Variants in PRCC observed in about 807,000 individuals in gnomAD.
The protein encoded by PRCC is proline rich mitotic checkpoint control factor.
In PRCC, 10 loss-of-function variants were observed where a neutral mutation model predicts 44.0. The ratio of observed to expected loss-of-function variants is 0.23; its 90% CI spans 0.14 to 0.39. PRCC has a LOEUF of 0.39. PRCC is among the 10% of genes least tolerant of loss of function. The pLI is 1.00. For synonymous variants in PRCC, 278 were observed against 259.5 expected, an observed-to-expected ratio of 1.07 and a Z score of -0.69; for missense variants, 573 against 624.7, an observed-to-expected ratio of 0.92 and a Z score of 0.88.
chr1:156,769,649 C>G (rs1397324410), intron 1 of PRCC, among the ~76,000 whole-genome samples: 2 of 151,930 alleles, frequency 1.3e-5, no homozygotes, highest in Non-Finnish European at 2.9e-5. Flanking sequence ...GCCCAGGCTG[C>G]AGTGCAGTGG....
Position 156,791,746 on chromosome 1 carries a change from C to T in PRCC, c.1133C>T (p.Pro378Leu), listed in dbSNP as rs780076114. The change falls in exon 4 of 7, where the codon CCC becomes CTC. Residue 378 changes from proline (P) to leucine (L), a missense_variant. Physicochemically the swap from Pro to Leu is moderately conservative, Grantham distance 98. Around this residue, in one of 4 missense-constraint regions of PRCC, gnomAD observed 141 missense variants for 130.2 expected, o/e 1.08. Coordinates refer to ENST00000271526, the MANE Select transcript of PRCC (RefSeq NM_005973.5). The part of the protein sequence containing the change: ...YYPAQDPALV[P>L]PQEIAPDASF... ...CCTGCACAGGACCCGGCCCTGGTCC[C>T]CCCCCAGGAAATTGCCCCAGATGCC... The T allele has an allele frequency of 2.5e-5, 41 of 1,613,926 alleles. No homozygotes were observed. Among genetic ancestry groups the T allele is most frequent in the Non-Finnish European group, 3.3e-5 (39 of 1,179,974 alleles).
Position 156,767,835 on chromosome 1 carries a change from G to C in PRCC, c.64G>C (p.Glu22Gln). ...GCCGGATGAGGCTGAGCCCGAGCCG[G>C]AGGAAGAGGAGGCGGTGGCTCCTAC... The part of the protein sequence containing the change: ...SEPDEAEPEP[E>Q]EEEAVAPTSG... Residue 22 changes from glutamate (E) to glutamine (Q), a missense_variant, in exon 1 of 7, where the codon GAG becomes CAG. By Grantham distance (29) the Glu-to-Gln change is conservative (BLOSUM62 2). Coordinates refer to ENST00000271526, the MANE Select transcript of PRCC (RefSeq NM_005973.5). 1 of 1,610,530 alleles carries C rather than the reference G, an allele frequency of 6.2e-7. No individual in the cohort carries two copies. The highest frequency in any genetic ancestry group is 1.1e-5 in the South Asian group (1 of 90,306).
Position 156,800,484 on chromosome 1 carries a change from G to A in PRCC, c.*24G>A. On this transcript the variant is annotated 3_prime_UTR_variant, in exon 7 of 7. Transcript: ENST00000271526. The stretch of plus-strand genomic sequence containing the variant: ...AGGGCTCTGGAACTGATTGCTCCCA[G>A]GATCTCCTGCCAGCCCAGCTGGCCT... 6.2e-7 allele frequency: 1 copy of A among 1,613,210 alleles called. No homozygotes were observed. Among genetic ancestry groups the A allele is most frequent in the South Asian group, 1.1e-5 (1 of 91,072 alleles).
chr1:156,770,666 C>T (rs193047654), intron 1 of PRCC, among the ~76,000 whole-genome samples: 4 of 152,360 alleles, frequency 2.6e-5, no homozygotes, highest in African/African-American at 7.2e-5. Flanking sequence ...TGAGCCACCA[C>T]GCCAGCCAAC....
At chr1:156,783,210 G>A (rs771754137) in intron 2 of PRCC, among the ~76,000 whole-genome samples, 2 of 152,106 alleles carry the variant, frequency 1.3e-5, no homozygotes, top group African/African-American at 2.4e-5. Flanking sequence ...TGGCCAGTCT[G>A]ACTGTTGAGT....
intron 3 of PRCC, among the ~76,000 whole-genome samples, chr1:156,788,532 G>T (rs1405177485): frequency 6.6e-6 from 1 of 152,168 alleles, no homozygotes; most frequent in East Asian, 1.9e-4. Flanking sequence ...GGATTGCTGG[G>T]TTGAATGGTA....
At position 156,797,309 on chromosome 1, in the gene PRCC, C is replaced by T; in HGVS notation, c.1357C>T (p.Arg453Trp). Residue 453 changes from arginine (R) to tryptophan (W), a missense_variant, in exon 6 of 7, where the codon CGG becomes TGG. This residue lies in a region of PRCC where 69 missense variants were observed against 139.3 expected (regional missense o/e 0.50). Coordinates refer to ENST00000271526, the MANE Select transcript of PRCC (RefSeq NM_005973.5). ...KGEQPTGQQR[R>W]KHQITYLIHQ... ...TGAGCAGCCAACAGGCCAGCAGCGG[C>T]GGAAACACCAGATCACATATCTTAT... The T allele has an allele frequency of 1.2e-6, 2 of 1,614,096 alleles. No homozygotes were observed. Among genetic ancestry groups the T allele is most frequent in the Non-Finnish European group, 1.7e-6 (2 of 1,180,012 alleles).
chr1:156,768,176 T>A lies in PRCC; in HGVS notation c.405T>A (p.Leu135=). 1 of 1,552,448 alleles carries A rather than the reference T, an allele frequency of 6.4e-7. No homozygotes were observed. The highest frequency in any genetic ancestry group is 8.7e-7 in the Non-Finnish European group (1 of 1,148,662). The part of the protein sequence containing the change: ...PIGGAGPPLG[L]PKPKKRKEPV... ...GCGGTGCCGGTCCCCCGCTGGGGCTTCCCAAGCCAAAGAAGAGGAAAGAGC... is the reference window on the plus strand; with the variant it reads ...GCGGTGCCGGTCCCCCGCTGGGGCTACCCAAGCCAAAGAAGAGGAAAGAGC... The change falls in exon 1 of 7, where the codon CTT becomes CTA. Residue 135 remains leucine, a synonymous_variant. Transcript: ENST00000271526.
At chr1:156,796,158 T>C (rs1384957205) in intron 5 of PRCC, 1 of 152,232 alleles carries the variant, frequency 6.6e-6, no homozygotes. Context: ...CACATAGTAA[T>C]AGCTACTGTT....
chr1:156,791,208 C>G (rs1264373042), intron 3 of PRCC: 2 of 1,271,748 alleles, frequency 1.6e-6, no homozygotes, highest in Admixed American at 4.1e-5. Context: ...AATCAGAGAT[C>G]TATAACCTCC....
chr1:156,784,665 T>C (rs1652171446), intron 2 of PRCC, among the ~76,000 whole-genome samples: 1 of 152,208 alleles, frequency 6.6e-6, no homozygotes, highest in South Asian at 2.1e-4. Flanking sequence ...TGAGCAGTTC[T>C]GTGTGGCTTG....
intron 3 of PRCC, among the ~76,000 whole-genome samples, chr1:156,789,117 C>T (rs146396885): frequency 3.1e-4 from 47 of 152,068 alleles, no homozygotes; most frequent in African/African-American, 1.1e-3. Flanking sequence ...TTATATGTGC[C>T]CGCCACCATG....
In PRCC at chr1:156,779,021, A is replaced by G. The variant is rs545913001; in HGVS notation, c.469-3261A>G. Among the ~76,000 whole-genome samples, 450 of 146,150 alleles carry G rather than the reference A, an allele frequency of 3.1e-3. 2 individuals carry two copies. Among genetic ancestry groups the G allele is most frequent in the Non-Finnish European group, 5.4e-3 (364 of 66,846 alleles). ...CATCATATTGGTCAGGCTGGTCTCA[A>G]ACTCCTGACCTCAGGTGTTCCCCCG... On this transcript the variant is annotated intron_variant, in intron 1 of 6. Coordinates refer to ENST00000271526, the MANE Select transcript of PRCC (RefSeq NM_005973.5).
In PRCC at chr1:156,767,888, C is replaced by T; in HGVS notation, c.117C>T (p.Phe39=). The T allele has an allele frequency of 6.2e-7, 1 of 1,604,496 alleles. No individual in the cohort carries two copies. Among genetic ancestry groups the T allele is most frequent in the Non-Finnish European group, 8.5e-7 (1 of 1,176,400 alleles). ...PTSGPALGGL[F]ASLPAPKGPA... is the part of the protein sequence containing the mutation. The stretch of plus-strand genomic sequence containing the variant: ...CTGGGCCCGCTTTAGGGGGCTTGTT[C>T]GCTTCTCTCCCTGCGCCCAAGGGTC... Residue 39 remains phenylalanine, a synonymous_variant, in exon 1 of 7, where the codon TTC becomes TTT. Coordinates refer to ENST00000271526, the MANE Select transcript of PRCC (RefSeq NM_005973.5).
At chr1:156,777,974 GT>G (rs1651885397) in intron 1 of PRCC, among the ~76,000 whole-genome samples, 1 of 152,192 alleles carries the variant, frequency 6.6e-6, no homozygotes, top group South Asian at 2.1e-4. Context: ...ACAAGATGAT[GT>G]TAAGATTTAT....
Position 156,768,040 on chromosome 1 carries a change from T to G in PRCC, c.269T>G (p.Phe90Cys). The change falls in exon 1 of 7, where the codon TTC becomes TGC. Residue 90 changes from phenylalanine (F) to cysteine (C), a missense_variant. Around this residue, in one of 4 missense-constraint regions of PRCC, gnomAD observed 245 missense variants for 188.5 expected, o/e 1.30. Coordinates refer to ENST00000271526, the MANE Select transcript of PRCC (RefSeq NM_005973.5). ...CCCTTGCCCTTCGGCCTGGGAGGCTTCCCCCCACCTCCAGGCGTGAGCCCG... is the reference window on the plus strand; with the variant it reads ...CCCTTGCCCTTCGGCCTGGGAGGCTGCCCCCCACCTCCAGGCGTGAGCCCG... ...PPPLPFGLGG[F>C]PPPPGVSPAE... 1 of 1,577,280 alleles carries G rather than the reference T, an allele frequency of 6.3e-7. No homozygotes were observed. The highest frequency in any genetic ancestry group is 8.6e-7 in the Non-Finnish European group (1 of 1,160,406).
At chr1:156,785,481 C>G (rs1311923528) in intron 2 of PRCC, among the ~76,000 whole-genome samples, 1 of 151,602 alleles carries the variant, frequency 6.6e-6, no homozygotes, top group East Asian at 1.9e-4. Flanking sequence ...TCACTGCACT[C>G]CATCCTGGGT....
intron 2 of PRCC, among the ~76,000 whole-genome samples, chr1:156,784,858 T>C (rs1429205325): frequency 6.6e-6 from 1 of 152,188 alleles, no homozygotes; most frequent in Non-Finnish European, 1.5e-5. Flanking sequence ...AGAGATTCTT[T>C]TGGGTAATAG....
intron 1 of PRCC, among the ~76,000 whole-genome samples, chr1:156,777,519 C>A (rs1012269647): frequency 6.7e-6 from 1 of 150,236 alleles, no homozygotes; most frequent in Admixed American, 6.6e-5. Context: ...ATTTCCCTTA[C>A]GGGTTAAAAA....
Sources: allele counts gnomAD v4.1 joint callset (sites outside exome capture counted in the v4.1 genomes callset), GRCh38; gene constraint gnomAD v4.1.1; regional missense constraint gnomAD v4.1.1; transcripts MANE v1.5; gene names NCBI Gene and HGNC (gene_info 2026-07-23, HGNC 2026-07-21).